NFIA: variants seen among roughly 807,000 people sequenced by gnomAD.
The protein encoded by NFIA is nuclear factor 1 A-type.
In NFIA, 8 loss-of-function variants were observed where a neutral mutation model predicts 62.8. That is an observed-to-expected ratio of 0.13 (90% CI 0.07 to 0.23). NFIA has a LOEUF of 0.23. Ranked by LOEUF, NFIA falls within the 10% of genes least tolerant of loss-of-function variation. The probability of loss-of-function intolerance (pLI) is 1.00; values close to 1 mark genes in which losing one functional copy is unlikely to be tolerated. For missense variants in NFIA, 410 were observed against 642.1 expected (o/e 0.64, Z 3.91); for synonymous variants, 235 against 238.1 (o/e 0.99, Z 0.12).
chr1:61,146,960 T>G (rs537254138), intron 2 of NFIA, among the ~76,000 whole-genome samples: 27 of 152,294 alleles, frequency 1.8e-4, no homozygotes, highest in African/African-American at 6.5e-4. Context: ...CTTCCCTAAG[T>G]TGTATATTAC....
intron 2 of NFIA, among the ~76,000 whole-genome samples, chr1:61,176,701 A>C (rs1326531257): frequency 6.6e-6 from 1 of 152,128 alleles, no homozygotes; most frequent in Non-Finnish European, 1.5e-5. Context: ...ACTACTATAA[A>C]ATGATAGATG....
Position 61,088,263 on chromosome 1 carries a change from A to G in NFIA, c.142A>G (p.Met48Val). ...ATACTTCAAAAAACATGAAAAGCGT[A>G]TGTCAAAAGAAGAAGAGAGAGCCGT... ...RKYFKKHEKR[M>V]SKEEERAVKD... is the part of the protein sequence containing the mutation. Residue 48 changes from methionine (M) to valine (V), a missense_variant, in exon 2 of 11, where the codon ATG becomes GTG. Physicochemically the swap from Met to Val is conservative, Grantham distance 21 (BLOSUM62 1). This residue lies in a region of NFIA where 86 missense variants were observed against 124.6 expected (regional missense o/e 0.69). Transcript: ENST00000403491. This position sits in a 1 kb window ranked among gnomAD's most constrained non-coding sequence, Gnocchi z 4.5. 1.2e-6 allele frequency: 2 copies of G among 1,613,662 alleles called. No individual in the cohort carries two copies. Among genetic ancestry groups the G allele is most frequent in the Non-Finnish European group, 1.7e-6 (2 of 1,179,960 alleles).
chr1:61,117,787 G>A (rs1646817129), intron 2 of NFIA, among the ~76,000 whole-genome samples: 1 of 152,194 alleles, frequency 6.6e-6, no homozygotes, highest in Non-Finnish European at 1.5e-5. Flanking sequence ...GCTTAGTGAT[G>A]AAAGCATATG....
At chr1:61,099,155 T>G (rs1646466941) in intron 2 of NFIA, among the ~76,000 whole-genome samples, 1 of 152,220 alleles carries the variant, frequency 6.6e-6, no homozygotes, top group South Asian at 2.1e-4. Flanking sequence ...ACAGAAAGCT[T>G]TGTAATTCTT....
chr1:61,426,454 TC>T lies in NFIA; in HGVS notation c.1421-8del. 6.5e-7 allele frequency: 1 copy of T among 1,547,768 alleles called. No individual in the cohort carries two copies. On this transcript the variant is annotated splice_polypyrimidine_tract_variant and intron_variant, in intron 9 of 10. Coordinates refer to ENST00000403491, the MANE Select transcript of NFIA (RefSeq NM_001134673.4). ...CCGCTTCCTGAACGCATGTGTCCCT[TC>T]CCTTCACAGCCTACTCGACACCCAG... is the stretch of plus-strand genomic sequence containing the variant.
chr1:61,297,996 G>A (rs1382651005), intron 3 of NFIA, among the ~76,000 whole-genome samples: 13 of 152,120 alleles, frequency 8.5e-5, no homozygotes, highest in Admixed American at 8.5e-4. Context: ...ATGAGGGGAT[G>A]GAGGTAAGGC....
chr1:61,388,124 A>G (rs1259207697), intron 7 of NFIA, among the ~76,000 whole-genome samples: 1 of 152,202 alleles, frequency 6.6e-6, no homozygotes, highest in African/African-American at 2.4e-5. Flanking sequence ...CATGGGGACA[A>G]TACTTTACCA....
At chr1:61,235,463 AAAATAAATAAATAAAT>A (rs200048964) in intron 2 of NFIA, among the ~76,000 whole-genome samples, 25 of 121,530 alleles carry the variant, frequency 2.1e-4, no homozygotes, top group East Asian at 6.8e-4. Flanking sequence ...ACTCCATCTC[AAAATAAATAAATAAAT>A]AAATAAATAA....
In NFIA at chr1:61,373,895, T is replaced by A. The variant is rs534198270; in HGVS notation, c.947-9342T>A. The stretch of plus-strand genomic sequence containing the variant: ...CAAAAAAGTAAAAAGTTATTTGGTA[T>A]CATATCATAGAGACCAGAGCTGTCC... On this transcript the variant is annotated intron_variant, in intron 6 of 10. Transcript: ENST00000403491. 3.3e-5 allele frequency among the ~76,000 whole-genome samples: 5 copies of A among 152,278 alleles called. No individual in the cohort carries two copies. In the South Asian group the frequency reaches 1.0e-3, roughly 32 times the overall value.
chr1:61,133,039 T>C, intron 2 of NFIA: 1 of 152,226 alleles, frequency 6.6e-6, no homozygotes, highest in South Asian at 2.1e-4. Context: ...GATGTCCATG[T>C]GCATTCTTTA....
At chr1:61,196,926 TGTGTGTGTGTGTGTGCGC>T (rs901943276) in intron 2 of NFIA, among the ~76,000 whole-genome samples, 6 of 138,160 alleles carry the variant, frequency 4.3e-5, no homozygotes, top group African/African-American at 1.7e-4. Flanking sequence ...TGTGTGTGTG[TGTGTGTGTGTGTGTGCGC>T]GCGCGCGCTG....
intron 2 of NFIA, among the ~76,000 whole-genome samples, chr1:61,194,290 G>A (rs1383110985): frequency 2.0e-5 from 3 of 152,050 alleles, no homozygotes; most frequent in East Asian, 1.9e-4. Flanking sequence ...ACTGATGGAC[G>A]GTAGTACCTT....
intron 2 of NFIA, among the ~76,000 whole-genome samples, chr1:61,177,149 CT>C (rs1412488273): frequency 1.3e-5 from 2 of 152,004 alleles, no homozygotes; most frequent in Admixed American, 1.3e-4. Context: ...TGTTTCCGTG[CT>C]TTATCTTCAT....
chr1:61,276,937 A>T (rs1449114847), intron 2 of NFIA, among the ~76,000 whole-genome samples: 1 of 152,288 alleles, frequency 6.6e-6, no homozygotes, highest in Non-Finnish European at 1.5e-5. Context: ...AGCAGGGGAA[A>T]CTTGTACCTT....
intron 3 of NFIA, among the ~76,000 whole-genome samples, chr1:61,292,886 C>T (rs576210152): frequency 1.3e-5 from 2 of 152,140 alleles, no homozygotes; most frequent in Non-Finnish European, 2.9e-5. Flanking sequence ...AGTTCCTGCA[C>T]CTGCTGAGTT....
chr1:61,109,042 C>T (rs1026676721), intron 2 of NFIA, among the ~76,000 whole-genome samples: 12 of 151,832 alleles, frequency 7.9e-5, no homozygotes, highest in Middle Eastern at 3.4e-3. Flanking sequence ...CAGTCTCTTA[C>T]GTTTTGATTT....
intron 3 of NFIA, among the ~76,000 whole-genome samples, chr1:61,290,052 A>G (rs930916847): frequency 4.7e-5 from 7 of 148,600 alleles, no homozygotes; most frequent in African/African-American, 1.8e-4. Context: ...ATCTTTATAG[A>G]AAAATTACAT....
intron 7 of NFIA, among the ~76,000 whole-genome samples, chr1:61,394,042 C>G (rs1213897144): frequency 6.6e-6 from 1 of 152,196 alleles, no homozygotes; most frequent in Non-Finnish European, 1.5e-5. Context: ...AACCCAGAGT[C>G]TAGCATGCTG....
chr1:61,119,384 A>C (rs1004899833), intron 2 of NFIA, among the ~76,000 whole-genome samples: 1 of 152,254 alleles, frequency 6.6e-6, no homozygotes, highest in African/African-American at 2.4e-5. Flanking sequence ...ATACACTTTT[A>C]GAAATAGCTC....
Sources: allele counts gnomAD v4.1 joint callset (sites outside exome capture counted in the v4.1 genomes callset), GRCh38; gene constraint gnomAD v4.1.1; regional missense constraint gnomAD v4.1.1; non-coding constraint Gnocchi (gnomAD v3.1); transcripts MANE v1.5; gene names NCBI Gene and HGNC (gene_info 2026-07-23, HGNC 2026-07-21).